OTOA: variants seen among roughly 807,000 people sequenced by gnomAD.
OTOA encodes the protein otoancorin, also known as cancer/testis antigen 108.
In OTOA, 70 loss-of-function variants were observed where a neutral mutation model predicts 110.8. The observed-to-expected ratio is 0.63, with a 90% CI of 0.52 to 0.77. The LOEUF (loss-of-function observed/expected upper bound fraction) is 0.77. Ranked by LOEUF, OTOA falls within the 30% of genes least tolerant of loss-of-function variation. OTOA has a pLI of 0.00. For missense variants in OTOA, 917 were observed against 1,075.8 expected, an observed-to-expected ratio of 0.85 and a Z score of 2.06; for synonymous variants, 373 against 431.5, an observed-to-expected ratio of 0.86 and a Z score of 1.68.
At chr16:21,698,165 A>G (rs182945090) in intron 10 of OTOA, among the ~76,000 whole-genome samples, 9 of 152,346 alleles carry the variant, frequency 5.9e-5, no homozygotes, top group Non-Finnish European at 1.0e-4. Context: ...GTTGGCTATG[A>G]ACCAAAAATC....
intron 11 of OTOA, 144 bp downstream of exon 11, chr16:21,701,171 T>G: frequency 3.2e-6 from 4 of 1,254,718 alleles, no homozygotes; most frequent in Non-Finnish European, 3.4e-6. Context: ...TCTGTGCATG[T>G]GAGGAGAGGT....
At chr16:21,750,170 T>G (rs1899787187) in intron 24 of OTOA, among the ~76,000 whole-genome samples, 1 of 152,240 alleles carries the variant, frequency 6.6e-6, no homozygotes, top group African/African-American at 2.4e-5. Flanking sequence ...GTCCTAGAAC[T>G]TTGGGAGGCT....
chr16:21,689,237 G>A (rs906609717), intron 8 of OTOA, among the ~76,000 whole-genome samples: 4 of 152,114 alleles, frequency 2.6e-5, no homozygotes, highest in African/African-American at 9.7e-5. Context: ...TGATAACAAT[G>A]TGGGAGATTC....
At chr16:21,727,866 T>A (rs537756479) in intron 19 of OTOA, among the ~76,000 whole-genome samples, 6 of 151,504 alleles carry the variant, frequency 4.0e-5, no homozygotes, top group African/African-American at 1.2e-4. Flanking sequence ...CGGAACTTTT[T>A]TTTTTTTTTT....
intron 17 of OTOA, among the ~76,000 whole-genome samples, chr16:21,721,795 G>A (rs1898750579): frequency 6.6e-6 from 1 of 152,034 alleles, no homozygotes; most frequent in African/African-American, 2.4e-5. Context: ...GGGAAACTGA[G>A]GCAGGAGGAT....
chr16:21,755,706 C>CA (rs1282277975), intron 27 of OTOA, among the ~76,000 whole-genome samples: 2 of 139,642 alleles, frequency 1.4e-5, no homozygotes, highest in African/African-American at 5.2e-5. Flanking sequence ...CTGTGTTGCC[C>CA]AGGCTGGTCT....
chr16:21,735,273 C>T (rs558975477), intron 21 of OTOA, among the ~76,000 whole-genome samples: 27 of 152,048 alleles, frequency 1.8e-4, no homozygotes, highest in Admixed American at 2.6e-4. Flanking sequence ...TGGCGGAAGG[C>T]GAAGGGGGAG....
At chr16:21,668,653 G>A (rs1488681183) in intron 1 of OTOA, among the ~76,000 whole-genome samples, 2 of 150,334 alleles carry the variant, frequency 1.3e-5, no homozygotes, top group Non-Finnish European at 3.0e-5. Flanking sequence ...GTAGAGATGG[G>A]TTTTCACCAT....
chr16:21,715,439 G>GTTT (rs369758805), intron 14 of OTOA, among the ~76,000 whole-genome samples: 3 of 143,468 alleles, frequency 2.1e-5, no homozygotes, highest in Non-Finnish European at 3.1e-5. Flanking sequence ...TCAGGTTCAA[G>GTTT]TTTGTTTTTT....
chr16:21,698,098 A>G (rs964069315), intron 10 of OTOA, among the ~76,000 whole-genome samples: 2 of 152,192 alleles, frequency 1.3e-5, no homozygotes, highest in Non-Finnish European at 2.9e-5. Flanking sequence ...AAAGAAAAAG[A>G]ATTGTGGACA....
At chr16:21,714,066 T>C (rs1220315603) in intron 13 of OTOA, among the ~76,000 whole-genome samples, 1 of 152,130 alleles carries the variant, frequency 6.6e-6, no homozygotes, top group Admixed American at 6.5e-5. Context: ...AGATCACCCA[T>C]TATACACAGA....
intron 1 of OTOA, among the ~76,000 whole-genome samples, chr16:21,674,927 A>G (rs1251784688): frequency 3.3e-5 from 2 of 60,318 alleles, no homozygotes; most frequent in Non-Finnish European, 6.0e-5. Context: ...TTTTTTAGCA[A>G]TTTGATTATT....
At chr16:21,731,950 T>C (rs952069638) in intron 21 of OTOA, among the ~76,000 whole-genome samples, 7 of 152,152 alleles carry the variant, frequency 4.6e-5, no homozygotes, top group South Asian at 2.1e-4. Flanking sequence ...GATGCACACA[T>C]GTTTATTTTT....
intron 1 of OTOA, 140 bp from the exon 2 acceptor site, chr16:21,678,371 G>A: frequency 1.9e-6 from 1 of 535,436 alleles, no homozygotes; most frequent in African/African-American, 2.0e-5. Flanking sequence ...AGGGATTCTG[G>A]GTGTACTTGG....
intron 1 of OTOA, among the ~76,000 whole-genome samples, chr16:21,669,148 A>AGCCTGGCCAACATGGTGAAACCC (rs1966845836): frequency 6.6e-6 from 1 of 152,088 alleles, no homozygotes; most frequent in Non-Finnish European, 1.5e-5. Context: ...GTTTGAGACC[A>AGCCTGGCCAACATGGTGAAACCC]GCCTGGCCAA....
intron 9 of OTOA, among the ~76,000 whole-genome samples, chr16:21,695,891 ATT>A (rs386384450): frequency 1.7e-3 from 72 of 41,880 alleles, no homozygotes; most frequent in East Asian, 6.0e-3. Context: ...ATATATATAT[ATT>A]TTTTTTTTTT....
chr16:21,688,964 AC>A (rs1413197159), intron 8 of OTOA, among the ~76,000 whole-genome samples: 1 of 152,160 alleles, frequency 6.6e-6, no homozygotes, highest in Non-Finnish European at 1.5e-5. Context: ...TTCTTGAGGG[AC>A]AACAGAAGGA....
At chr16:21,699,844 G>A (rs972473633) in intron 10 of OTOA, among the ~76,000 whole-genome samples, 1 of 151,936 alleles carries the variant, frequency 6.6e-6, no homozygotes, top group African/African-American at 2.4e-5. Context: ...ACTTGAACCC[G>A]GGAGGCTGAA....
chr16:21,699,143 G>A lies in OTOA; in HGVS notation c.840+1268G>A, dbSNP rs142094713. On this transcript the variant is annotated intron_variant, in intron 10 of 28. Transcript: ENST00000646100. ...TTTTTATATTTTTAGCAGAGACGAG[G>A]TTTCACCATGTTGGCCAGGCTGGTC... Among the ~76,000 whole-genome samples the A allele has an allele frequency of 2.2e-3, 329 of 152,132 alleles. 3 individuals are homozygous for A. The highest frequency in any genetic ancestry group is 4.0e-3 in the Admixed American group (61 of 15,274).
Sources: allele counts gnomAD v4.1 joint callset (sites outside exome capture counted in the v4.1 genomes callset), GRCh38; gene constraint gnomAD v4.1.1; transcripts MANE v1.5; gene names NCBI Gene and HGNC (gene_info 2026-07-23, HGNC 2026-07-21).